The following SGCD variants were observed in gnomAD, a reference collection of about 807,000 sequenced individuals.
SGCD encodes the protein delta-sarcoglycan.
In SGCD, 18 loss-of-function variants were observed where a neutral mutation model predicts 36.6. That is an observed-to-expected ratio of 0.49 (90% CI 0.34 to 0.73). The LOEUF (loss-of-function observed/expected upper bound fraction) is 0.73. Among genes scored for constraint, SGCD ranks in the 30% least tolerant of loss-of-function variants. SGCD has a pLI of 0.01. For synonymous variants in SGCD, 133 were observed against 130.6 expected, an observed-to-expected ratio of 1.02 and a Z score of -0.12; for missense variants, 387 against 346.7, an observed-to-expected ratio of 1.12 and a Z score of -0.92.
At chr5:156,042,305 A>C (rs544479717) in intron 1 of SGCD, among the ~76,000 whole-genome samples, 3 of 152,102 alleles carry the variant, frequency 2.0e-5, no homozygotes. Flanking sequence ...AAACTGAAGA[A>C]CTGAGAGGCT....
chr5:156,055,567 G>C lies in SGCD; in HGVS notation c.-281-62311G>C, dbSNP rs58199274. ...CAGTGACCTAGTTTTAAGGAAGTAC[G>C]TCTCACATATACCTCTACTATCATT... On this transcript the variant is annotated intron_variant, in intron 1 of 9. Transcript: ENST00000517913. Among the ~76,000 whole-genome samples the C allele has an allele frequency of 1.4e-5, 2 of 146,280 alleles. 1 individual carries two copies. Among genetic ancestry groups the C allele is most frequent in the Non-Finnish European group, 3.1e-5 (2 of 64,974 alleles).
At chr5:155,917,066 C>A (rs1169154040) in intron 1 of SGCD, among the ~76,000 whole-genome samples, 1 of 152,092 alleles carries the variant, frequency 6.6e-6, no homozygotes, top group East Asian at 1.9e-4. Flanking sequence ...AAAGTAAAAC[C>A]AGTCATTATG....
intron 3 of SGCD, among the ~76,000 whole-genome samples, chr5:156,136,872 A>G (rs1762472243): frequency 6.6e-6 from 1 of 152,232 alleles, no homozygotes; most frequent in South Asian, 2.1e-4. Context: ...AGTAGATTTG[A>G]TTTTTAAACA....
At chr5:155,755,815 T>A in the SGCD span, among the ~76,000 whole-genome samples, 1 of 152,210 alleles carries the variant, frequency 6.6e-6, no homozygotes, top group Admixed American at 6.5e-5. Flanking sequence ...AATTTGTTAA[T>A]GTTTATGGTC....
chr5:156,385,209 C>T (rs1771208217), intron 3 of SGCD, among the ~76,000 whole-genome samples: 1 of 152,142 alleles, frequency 6.6e-6, no homozygotes, highest in African/African-American at 2.4e-5. Flanking sequence ...TTTCACAAAC[C>T]ACCTTTCTTT....
At chr5:156,315,827 T>C (rs1767503329) in intron 3 of SGCD, among the ~76,000 whole-genome samples, 1 of 152,006 alleles carries the variant, frequency 6.6e-6, no homozygotes. Flanking sequence ...GAGTATGTTT[T>C]CATGTCCCTG....
intron 1 of SGCD, among the ~76,000 whole-genome samples, chr5:155,983,313 T>C (rs1171162924): frequency 6.6e-6 from 1 of 152,230 alleles, no homozygotes; most frequent in East Asian, 1.9e-4. Flanking sequence ...CGCAGGGCTC[T>C]TGGACACCAG....
chr5:156,441,554 C>T (rs1422118034), intron 3 of SGCD, among the ~76,000 whole-genome samples: 1 of 152,120 alleles, frequency 6.6e-6, no homozygotes, highest in African/African-American at 2.4e-5. Context: ...TTCAGTGGTT[C>T]TGCATTGTCT....
At chr5:156,304,208 GC>G (rs1192694881) in intron 3 of SGCD, among the ~76,000 whole-genome samples, 7 of 152,128 alleles carry the variant, frequency 4.6e-5, no homozygotes, top group African/African-American at 1.4e-4. Flanking sequence ...ACTGAGTTCT[GC>G]TTTATGTTGC....
intron 1 of SGCD, among the ~76,000 whole-genome samples, chr5:155,982,325 G>T (rs1329780475): frequency 6.6e-6 from 1 of 152,198 alleles, no homozygotes; most frequent in Non-Finnish European, 1.5e-5. Flanking sequence ...ACAAATAAAT[G>T]ATAGGAGAAT....
the SGCD span, among the ~76,000 whole-genome samples, chr5:155,789,554 T>A: frequency 6.6e-6 from 1 of 152,066 alleles, no homozygotes; most frequent in East Asian, 1.9e-4. Context: ...TACATGAAAA[T>A]AATTTGTAAT....
At position 156,478,000 on chromosome 5, in the gene SGCD, G is replaced by A. The variant is rs576724249; in HGVS notation, c.193-30601G>A. Among the ~76,000 whole-genome samples the A allele has an allele frequency of 3.9e-5, 6 of 152,116 alleles. No individual in the cohort carries two copies. In the East Asian group the frequency reaches 1.2e-3, roughly 30 times the overall value. On this transcript the variant is annotated intron_variant, in intron 3 of 8. Transcript: ENST00000337851. The stretch of plus-strand genomic sequence containing the variant: ...AAATCATAAAGAATGGAAGGAGTGG[G>A]GAGGGGAATGGGAAATCCTGGGAGA...
At chr5:156,692,398 A>C (rs973777587) in intron 7 of SGCD, among the ~76,000 whole-genome samples, 1 of 152,216 alleles carries the variant, frequency 6.6e-6, no homozygotes. Context: ...CATCAGCAGC[A>C]TGATGGAGTG....
At chr5:156,616,822 C>T (rs1762037587) in intron 6 of SGCD, among the ~76,000 whole-genome samples, 1 of 152,170 alleles carries the variant, frequency 6.6e-6, no homozygotes, top group African/African-American at 2.4e-5. Flanking sequence ...AAAACCACTG[C>T]CTAGTTTTGT....
intron 1 of SGCD, among the ~76,000 whole-genome samples, chr5:155,975,616 T>C (rs1758098197): frequency 3.2e-5 from 2 of 62,096 alleles, no homozygotes; most frequent in African/African-American, 1.7e-4. Context: ...TTCCTTTTTT[T>C]TTTTTTTTTT....
chr5:156,343,236 T>A (rs1768761210), intron 2 of SGCD, among the ~76,000 whole-genome samples: 2 of 152,222 alleles, frequency 1.3e-5, no homozygotes, highest in Non-Finnish European at 2.9e-5. Context: ...AATTTATTGC[T>A]ATTGGCTGAG....
intron 1 of SGCD, among the ~76,000 whole-genome samples, chr5:155,974,506 A>G (rs533889184): frequency 3.2e-4 from 48 of 151,050 alleles, no homozygotes; most frequent in South Asian, 8.5e-4. Flanking sequence ...AGGGTATCCA[A>G]TGATGTCTGG....
chr5:155,766,531 G>C, the SGCD span, among the ~76,000 whole-genome samples: 1 of 152,126 alleles, frequency 6.6e-6, no homozygotes, highest in Admixed American at 6.6e-5. Context: ...GATTAGAAAT[G>C]CCATTTGATT....
chr5:156,534,303 C>T (rs1324784718), intron 4 of SGCD, among the ~76,000 whole-genome samples: 1 of 152,104 alleles, frequency 6.6e-6, no homozygotes, highest in Non-Finnish European at 1.5e-5. Context: ...CTAGACTTTC[C>T]ATGTGTTCAC....
Sources: gnomAD v4.1 joint callset for allele counts (sites outside exome capture counted in the v4.1 genomes callset) on GRCh38, gnomAD v4.1.1 for gene constraint, MANE v1.5 for transcripts, NCBI Gene and HGNC (gene_info 2026-07-23, HGNC 2026-07-21) for gene names.